The following IMMP1L variants were observed in gnomAD, a reference collection of about 807,000 sequenced individuals.
IMMP1L encodes mitochondrial inner membrane protease subunit 1.
A neutral mutation model predicts 21.8 loss-of-function variants in IMMP1L; 24 were observed. The ratio of observed to expected loss-of-function variants is 1.10; its 90% CI spans 0.80 to 1.55. The LOEUF (loss-of-function observed/expected upper bound fraction) is 1.55, where lower values mean the gene tolerates loss of function less well. Ranked by LOEUF, IMMP1L falls within the 40% of genes most tolerant of loss-of-function variation. IMMP1L has a pLI of 0.00. For synonymous variants in IMMP1L, 46 were observed against 62.8 expected (o/e 0.73, Z 1.26); for missense variants, 195 against 200.7 (o/e 0.97, Z 0.17).
chr11:31,484,751 G>GA (rs74888792), intron 1 of IMMP1L, among the ~76,000 whole-genome samples: 1,522 of 151,718 alleles, frequency 0.01, 36 homozygotes, highest in African/African-American at 0.035. Flanking sequence ...GATTTATCCT[G>GA]AAAAAAAGCT....
At chr11:31,447,046 T>C (rs1272053367) in intron 4 of IMMP1L, among the ~76,000 whole-genome samples, 1 of 152,224 alleles carries the variant, frequency 6.6e-6, no homozygotes, top group Non-Finnish European at 1.5e-5. Flanking sequence ...TACAGGATAT[T>C]TCCATTATTT....
rs557394201 is a variant in IMMP1L at position 31,498,658 on chromosome 11, A to G, written c.-30+10861T>C. Among the ~76,000 whole-genome samples the G allele has an allele frequency of 5.2e-4, 79 of 152,328 alleles. 1 individual carries two copies. The highest frequency in any genetic ancestry group is 5.2e-3 in the Admixed American group (79 of 15,304). ...AGGAGGAAACTAAGCCTGTATTTGG[A>G]CTGAAGTGGAAAATAGTGGATAAGA... On this transcript the variant is annotated intron_variant, in intron 1 of 5. Coordinates refer to ENST00000532287, the MANE Select transcript of IMMP1L (RefSeq NM_001304274.2).
intron 1 of IMMP1L, among the ~76,000 whole-genome samples, chr11:31,504,963 G>A (rs766301808): frequency 1.3e-5 from 2 of 152,176 alleles, no homozygotes; most frequent in African/African-American, 2.4e-5. Context: ...AATTACCGGA[G>A]GTTGAGGAAC....
chr11:31,491,302 A>G (rs558190564), intron 1 of IMMP1L, among the ~76,000 whole-genome samples: 1 of 152,366 alleles, frequency 6.6e-6, no homozygotes, highest in South Asian at 2.1e-4. Context: ...AAAGAAAGCT[A>G]TCACCTTAAA....
At chr11:31,444,974 C>G (rs2133579489) in intron 4 of IMMP1L, among the ~76,000 whole-genome samples, 1 of 152,274 alleles carries the variant, frequency 6.6e-6, no homozygotes, top group East Asian at 1.9e-4. Context: ...CCTCCCAATA[C>G]TATTGTCCCT....
At chr11:31,472,775 T>C (rs1954604868) in intron 1 of IMMP1L, among the ~76,000 whole-genome samples, 1 of 152,256 alleles carries the variant, frequency 6.6e-6, no homozygotes, top group African/African-American at 2.4e-5. Context: ...AGAAATCTTT[T>C]AAGAGCCTCT....
chr11:31,459,127 A>G (rs1040744198), intron 3 of IMMP1L, among the ~76,000 whole-genome samples: 4 of 152,230 alleles, frequency 2.6e-5, no homozygotes, highest in African/African-American at 9.6e-5. Flanking sequence ...TCCTGTATCT[A>G]CAATTAAGTA....
chr11:31,458,413 T>C (rs1406894892), intron 3 of IMMP1L, among the ~76,000 whole-genome samples: 1 of 152,132 alleles, frequency 6.6e-6, no homozygotes, highest in Non-Finnish European at 1.5e-5. Flanking sequence ...TCTTATAAAT[T>C]AGGTGCTCAC....
intron 1 of IMMP1L, among the ~76,000 whole-genome samples, chr11:31,488,596 A>G (rs961197661): frequency 6.6e-6 from 1 of 152,222 alleles, no homozygotes; most frequent in African/African-American, 2.4e-5. Context: ...GAAAGGATAC[A>G]AACATTAACT....
At chr11:31,456,162 C>G in intron 4 of IMMP1L, 98 bp downstream of exon 4, 1 of 798,804 alleles carries the variant, frequency 1.3e-6, no homozygotes, top group East Asian at 2.8e-5. Flanking sequence ...TTTTTTCTTA[C>G]ATTCAAAATA....
chr11:31,462,126 C>A (rs1414362900), intron 2 of IMMP1L, among the ~76,000 whole-genome samples: 4 of 152,006 alleles, frequency 2.6e-5, no homozygotes, highest in Admixed American at 2.6e-4. Context: ...CACAGCCTGG[C>A]CAACATGGTG....
intron 4 of IMMP1L, among the ~76,000 whole-genome samples, chr11:31,434,558 G>A (rs1351733119): frequency 6.6e-6 from 1 of 151,878 alleles, no homozygotes; most frequent in Non-Finnish European, 1.5e-5. Flanking sequence ...AACCTTTTAT[G>A]AAGAAAAATA....
intron 1 of IMMP1L, among the ~76,000 whole-genome samples, chr11:31,503,443 A>T (rs957637347): frequency 6.6e-6 from 1 of 152,230 alleles, no homozygotes; most frequent in Non-Finnish European, 1.5e-5. Context: ...GTAAAGACTG[A>T]GAAAAACCAA....
chr11:31,464,329 C>G (rs969732610), intron 1 of IMMP1L, among the ~76,000 whole-genome samples: 1 of 152,056 alleles, frequency 6.6e-6, no homozygotes, highest in Admixed American at 6.6e-5. Context: ...AAAAGCCCAG[C>G]ATCAGATGGT....
chr11:31,463,173 A>C lies in IMMP1L; in HGVS notation c.104T>G (p.Met35Arg), dbSNP rs745971156. 3.8e-6 allele frequency: 6 copies of C among 1,597,798 alleles called. No homozygotes were observed. In the African/African-American group the frequency reaches 6.8e-5, roughly 18 times the overall value. The change falls in exon 2 of 6, where the codon ATG (methionine) becomes AGG (arginine). Residue 35 changes from methionine (M) to arginine (R), a missense_variant and splice_region_variant. Met to Arg is a moderately conservative substitution (Grantham distance 91). Coordinates refer to ENST00000532287, the MANE Select transcript of IMMP1L (RefSeq NM_001304274.2). ...ATATTCTTGAACATAAAAACTTACC[A>C]TGACAACACCACCAACGTATTCAAA... is the stretch of plus-strand genomic sequence containing the variant. ...CAFEYVGGVV[M>R]CSGPSMEPTI...
intron 4 of IMMP1L, among the ~76,000 whole-genome samples, chr11:31,454,449 CAA>C (rs71463320): frequency 1.0e-3 from 31 of 30,396 alleles, no homozygotes; most frequent in African/African-American, 2.0e-3. Flanking sequence ...AAGACCATGT[CAA>C]AAAAAAAAAA....
intron 1 of IMMP1L, among the ~76,000 whole-genome samples, chr11:31,488,626 A>G (rs1955156864): frequency 6.6e-6 from 1 of 152,180 alleles, no homozygotes. Context: ...CAGCATGAAT[A>G]CCTGAGGTTA....
intron 5 of IMMP1L, 63 bp downstream of exon 5, chr11:31,433,397 A>G: frequency 1.1e-6 from 1 of 943,872 alleles, no homozygotes; most frequent in Non-Finnish European, 1.6e-6. Flanking sequence ...TTCAGAGATC[A>G]TTTTGAGAGA....
rs568886533 is a variant in IMMP1L at position 31,440,319 on chromosome 11, G to A, written c.322-6749C>T. Among the ~76,000 whole-genome samples the A allele has an allele frequency of 3.3e-5, 5 of 152,270 alleles. No individual in the cohort carries two copies. In the East Asian group the frequency reaches 9.7e-4, roughly 29 times the overall value. ...TTTGTCCAGTTTTCTAGTTGTTTATGGCAGGAGGGCAAGTTCATGACCAGT... is the reference window on the plus strand; with the variant it reads ...TTTGTCCAGTTTTCTAGTTGTTTATAGCAGGAGGGCAAGTTCATGACCAGT... On this transcript the variant is annotated intron_variant, in intron 4 of 5. Coordinates refer to ENST00000532287, the MANE Select transcript of IMMP1L (RefSeq NM_001304274.2).
Sources: allele counts gnomAD v4.1 joint callset (sites outside exome capture counted in the v4.1 genomes callset), GRCh38; gene constraint gnomAD v4.1.1; transcripts MANE v1.5; gene names NCBI Gene and HGNC (gene_info 2026-07-23, HGNC 2026-07-21).